Variants in KDM5A observed in about 807,000 individuals in gnomAD.
The protein encoded by KDM5A is lysine-specific demethylase 5A.
In KDM5A, 42 loss-of-function variants were observed where a neutral mutation model predicts 193.5. The ratio of observed to expected loss-of-function variants is 0.22; its 90% CI spans 0.17 to 0.28. KDM5A has a LOEUF of 0.28. KDM5A is among the 10% of genes least tolerant of loss of function. KDM5A has a pLI of 1.00. For missense variants in KDM5A, 1,692 were observed against 2,055.1 expected (o/e 0.82, Z 3.42); for synonymous variants, 796 against 718.1 (o/e 1.11, Z -1.73).
chr12:356,619 C>T (rs1944232698), intron 5 of KDM5A, 82 bp from the exon 6 acceptor site: 2 of 852,142 alleles, frequency 2.3e-6, no homozygotes, highest in South Asian at 2.8e-5. Flanking sequence ...GTTTCAGAAT[C>T]CTCTTCAACA....
chr12:366,663 G>C (rs547938376), intron 3 of KDM5A, among the ~76,000 whole-genome samples: 1 of 152,262 alleles, frequency 6.6e-6, no homozygotes, highest in South Asian at 2.1e-4. Flanking sequence ...GGTTGCAGTA[G>C]ATTTACCGAT....
At chr12:380,128 C>T (rs749669901) in intron 3 of KDM5A, among the ~76,000 whole-genome samples, 33 of 151,808 alleles carry the variant, frequency 2.2e-4, no homozygotes, top group Admixed American at 3.9e-4. Flanking sequence ...ATTAGCCAGG[C>T]GTGGTGGTGT....
intron 24 of KDM5A, among the ~76,000 whole-genome samples, chr12:299,324 A>C (rs1453697370): frequency 6.6e-6 from 1 of 152,226 alleles, no homozygotes; most frequent in Non-Finnish European, 1.5e-5. Context: ...CACAAAGGGA[A>C]GCCCATCAGA....
chr12:308,108 A>C (rs1407529113), intron 22 of KDM5A, 103 bp from the exon 23 acceptor site: 1 of 1,341,580 alleles, frequency 7.5e-7, no homozygotes, highest in East Asian at 2.3e-5. Context: ...TATCAGTTAT[A>C]AACAGTTTCC....
intron 10 of KDM5A, among the ~76,000 whole-genome samples, chr12:340,796 AAT>A (rs1943995201): frequency 6.6e-6 from 1 of 152,082 alleles, no homozygotes; most frequent in Non-Finnish European, 1.5e-5. Flanking sequence ...GGTTAAAAGT[AAT>A]ATGTTACTCA....
Position 388,996 on chromosome 12 carries a change from C to G in KDM5A, c.96G>C (p.Pro32=), listed in dbSNP as rs1362922541. 4.3e-6 allele frequency: 7 copies of G among 1,612,974 alleles called. No homozygotes were observed. In the East Asian group the frequency reaches 1.1e-4, roughly 26 times the overall value. The change falls in exon 1 of 28, where the codon CCG becomes CCC. Residue 32 remains proline (P), a synonymous_variant. Coordinates refer to ENST00000399788, the MANE Select transcript of KDM5A (RefSeq NM_001042603.3). ...GCCGGATGCGGCCGATAAAGCTGAG[C>G]GGATCTGTGAACTCCTCCCAACTCG... ...FEPSWEEFTD[P]LSFIGRIRPL...
rs1223229454 is a variant in KDM5A at position 364,476 on chromosome 12, CA to C, written c.538-1380del. On this transcript the variant is annotated intron_variant, in intron 4 of 27. Transcript: ENST00000399788. Reference sequence around the variant, plus strand: ...TGGGCGACACAGCAAGATTCCACCTCAAAAAAAAAAAAAATTTACACATAAA... The same window carrying C: ...TGGGCGACACAGCAAGATTCCACCTCAAAAAAAAAAAAATTTACACATAAA... Among the ~76,000 whole-genome samples the C allele has an allele frequency of 5.5e-3, 592 of 107,100 alleles. 2 individuals carry two copies. Among genetic ancestry groups the C allele is most frequent in the African/African-American group, 0.014 (398 of 27,818 alleles). 70.3% of individuals were successfully genotyped at this position (107,100 alleles called of 152,430 possible).
chr12:281,846 A>AG lies in KDM5A; in HGVS notation c.*3609dup, dbSNP rs1186452348. 1.1e-5 allele frequency: 3 copies of AG among 266,552 alleles called. No homozygotes were observed. The highest frequency in any genetic ancestry group is 2.2e-5 in the Non-Finnish European group (3 of 135,632). The allele number at this position is 266,552 out of a possible 1,614,324, so 16.5% of individuals were successfully genotyped here. A position where few individuals can be genotyped will look rare whatever the true frequency, so the allele number is the denominator to read the frequency against. On this transcript the variant is annotated 3_prime_UTR_variant, in exon 28 of 28. Coordinates refer to ENST00000399788, the MANE Select transcript of KDM5A (RefSeq NM_001042603.3). ...TACAGAATTAAAATACTGACAAGCA[A>AG]GTAGTTTCTTGGCGTGCACGAATTG...
chr12:343,669 G>A (rs566852745), intron 10 of KDM5A, among the ~76,000 whole-genome samples: 92 of 152,200 alleles, frequency 6.0e-4, no homozygotes, highest in Non-Finnish European at 1.1e-3. Context: ...CTGCAGCTGA[G>A]GGTCCTGACT....
intron 5 of KDM5A, among the ~76,000 whole-genome samples, chr12:362,237 A>G (rs1944301821): frequency 6.6e-6 from 1 of 152,108 alleles, no homozygotes; most frequent in Admixed American, 6.5e-5. Context: ...AAAAACTTAA[A>G]AGACCACAGA....
In KDM5A at chr12:371,095, T is replaced by A. The variant is rs9739787; in HGVS notation, c.367-4991A>T. Among the ~76,000 whole-genome samples the A allele has an allele frequency of 3.0e-3, 452 of 152,336 alleles. 1 individual carries two copies. Among genetic ancestry groups the A allele is most frequent in the African/African-American group, 0.01 (431 of 41,564 alleles). On this transcript the variant is annotated intron_variant, in intron 3 of 27. Coordinates refer to ENST00000399788, the MANE Select transcript of KDM5A (RefSeq NM_001042603.3). Reference sequence around the variant, plus strand: ...AAACATATGTGTGCATGTGTCTTTATAACAGCATGATTTATAATCCTTTGG... The same window carrying A: ...AAACATATGTGTGCATGTGTCTTTAAAACAGCATGATTTATAATCCTTTGG...
At position 283,354 on chromosome 12, in the gene KDM5A, A is replaced by C. The variant is rs1376960282; in HGVS notation, c.*2102T>G. On this transcript the variant is annotated 3_prime_UTR_variant, in exon 28 of 28. Coordinates refer to ENST00000399788, the MANE Select transcript of KDM5A (RefSeq NM_001042603.3). ...AAATCAGTTAATTAGTTACCTTGCA[A>C]TATCCATTGAAATCTTCGATCATAC... The C allele has an allele frequency of 4.3e-6, 1 of 232,528 alleles. No individual in the cohort carries two copies. The highest frequency in any genetic ancestry group is 8.5e-6 in the Non-Finnish European group (1 of 117,418). The allele number at this position is 232,528 out of a possible 1,614,324, so 14.4% of individuals were successfully genotyped here.
chr12:299,197 A>C (rs954490530), intron 24 of KDM5A, among the ~76,000 whole-genome samples: 1 of 152,196 alleles, frequency 6.6e-6, no homozygotes. Context: ...AATACAGAGA[A>C]CACCACAAAG....
chr12:383,035 C>G (rs981279361), intron 3 of KDM5A, among the ~76,000 whole-genome samples: 2 of 151,126 alleles, frequency 1.3e-5, no homozygotes, highest in Non-Finnish European at 2.9e-5. Context: ...AAAAAATTAA[C>G]ACAATTTCAG....
In KDM5A at chr12:352,237, A is replaced by G; in HGVS notation, c.1117T>C (p.Phe373Leu). ...GGCATATTAAAATAATCAGACTTAA[A>G]ATTATCTGCCATCTCTCCAAAGCTC... is the stretch of plus-strand genomic sequence containing the variant. ...LQSFGEMADN[F>L]KSDYFNMPVH... Residue 373 changes from phenylalanine (F) to leucine (L), a missense_variant, in exon 9 of 28, where the codon TTT becomes CTT. Phe to Leu is a conservative substitution (Grantham distance 22). This residue lies in a region of KDM5A where 62 missense variants were observed against 107.1 expected (regional missense o/e 0.58). Coordinates refer to ENST00000399788, the MANE Select transcript of KDM5A (RefSeq NM_001042603.3). 6.2e-7 allele frequency: 1 copy of G among 1,613,302 alleles called. No homozygotes were observed. Among genetic ancestry groups the G allele is most frequent in the Non-Finnish European group, 8.5e-7 (1 of 1,179,316 alleles).
chr12:334,125 T>G, intron 11 of KDM5A, 116 bp downstream of exon 11: 1 of 972,792 alleles, frequency 1.0e-6, no homozygotes, highest in Non-Finnish European at 1.6e-6. Flanking sequence ...AGGCTAGAAA[T>G]TATTGAAACC....
rs1406794971 is a variant in KDM5A at position 293,108 on chromosome 12, C to T, written c.4517G>A (p.Arg1506Gln). Residue 1506 changes from arginine to glutamine, a missense_variant, in exon 27 of 28, where the codon CGG becomes CAG. Arg to Gln is a conservative substitution (Grantham distance 43, BLOSUM62 1). Coordinates refer to ENST00000399788, the MANE Select transcript of KDM5A (RefSeq NM_001042603.3). The part of the protein sequence containing the change: ...VKGKDSSEKK[R>Q]KRKLEKVEQL... ...CTCTACCTTTTCTAGCTTCCGTTTC[C>T]GTTTCTTCTCTGAAGAGTCCTTTCC... is the stretch of plus-strand genomic sequence containing the variant. 1.9e-6 allele frequency: 3 copies of T among 1,596,808 alleles called. No homozygotes were observed. Among genetic ancestry groups the T allele is most frequent in the South Asian group, 1.2e-5 (1 of 86,936 alleles).
In KDM5A at chr12:345,634, A is replaced by G. The variant is rs140838292; in HGVS notation, c.1308+4987T>C. Among the ~76,000 whole-genome samples, 355 of 152,344 alleles carry G rather than the reference A, an allele frequency of 2.3e-3. 2 individuals carry two copies. The highest frequency in any genetic ancestry group is 5.8e-3 in the African/African-American group (242 of 41,588). On this transcript the variant is annotated intron_variant, in intron 10 of 27. Coordinates refer to ENST00000399788, the MANE Select transcript of KDM5A (RefSeq NM_001042603.3). ...ACTCAAATCAAAACCGCACAACTAC[A>G]TGGAAACTTAACAACCTGCTCCTGA...
chr12:313,177 G>A lies in KDM5A; in HGVS notation c.2915C>T (p.Ala972Val). The change falls in exon 20 of 28, where the codon GCA becomes GTA. Residue 972 changes from alanine (A) to valine (V), a missense_variant. Ala to Val is a moderately conservative substitution (Grantham distance 64). Transcript: ENST00000399788. ...CLQARPRHSV[A>V]SLESIVNEAK... ...TTCATTCACAATGCTTTCTAAACTT[G>A]CCACACTGTGCCTCGGTCTAAAAGA... 6.2e-7 allele frequency: 1 copy of A among 1,614,044 alleles called. No individual in the cohort carries two copies. Among genetic ancestry groups the A allele is most frequent in the Non-Finnish European group, 8.5e-7 (1 of 1,179,952 alleles).
Sources: allele counts gnomAD v4.1 joint callset (sites outside exome capture counted in the v4.1 genomes callset), GRCh38; gene constraint gnomAD v4.1.1; regional missense constraint gnomAD v4.1.1; transcripts MANE v1.5; gene names NCBI Gene and HGNC (gene_info 2026-07-23, HGNC 2026-07-21).